Variants in TBC1D22A observed in about 807,000 individuals in gnomAD.
TBC1D22A encodes the protein TBC1 domain family member 22A.
In TBC1D22A, 38 loss-of-function variants were observed where a neutral mutation model predicts 60.2. The observed-to-expected ratio is 0.63, with a 90% CI of 0.49 to 0.83. TBC1D22A has a LOEUF of 0.83. TBC1D22A is among the 40% of genes least tolerant of loss of function. The pLI is 0.00. For missense variants in TBC1D22A, 628 were observed against 701.0 expected (o/e 0.90, Z 1.18); for synonymous variants, 302 against 281.7 (o/e 1.07, Z -0.72).
chr22:46,963,675 G>C (rs774397081), intron 8 of TBC1D22A, among the ~76,000 whole-genome samples: 1 of 152,212 alleles, frequency 6.6e-6, no homozygotes, highest in Non-Finnish European at 1.5e-5. Context: ...ATCCTTCTCC[G>C]GGCCCAGGTG....
rs563557640 is a variant in TBC1D22A at position 47,071,834 on chromosome 22, C to T, written c.1329+34636C>T. Among the ~76,000 whole-genome samples the T allele has an allele frequency of 3.3e-5, 5 of 152,232 alleles. No individual in the cohort carries two copies. In the South Asian group the frequency reaches 1.0e-3, roughly 32 times the overall value. On this transcript the variant is annotated intron_variant, in intron 11 of 12. Transcript: ENST00000337137. Reference sequence around the variant, plus strand: ...TGATGCAGACATCAATCTTGTTATTCTCGGAGTGGAGAGACAGTTTCTGAT... The same window carrying T: ...TGATGCAGACATCAATCTTGTTATTTTCGGAGTGGAGAGACAGTTTCTGAT...
chr22:46,994,138 A>G (rs138078904), intron 9 of TBC1D22A, among the ~76,000 whole-genome samples: 1,574 of 151,948 alleles, frequency 0.01, 22 homozygotes, highest in African/African-American at 0.036. Context: ...AATTGTTTGG[A>G]TTTCTGAGAA....
chr22:46,941,923 G>GTA (rs2072182048), intron 8 of TBC1D22A, among the ~76,000 whole-genome samples: 1 of 87,966 alleles, frequency 1.1e-5, no homozygotes, highest in Non-Finnish European at 2.4e-5. Context: ...ATATGTATAT[G>GTA]TATGTATGTA....
intron 4 of TBC1D22A, among the ~76,000 whole-genome samples, chr22:46,855,378 C>G (rs4823883): frequency 0.43 from 65,416 of 152,054 alleles, 14,231 homozygotes; most frequent in African/African-American, 0.48. Context: ...TTCTGTTTAA[C>G]AAACCTTCCT....
At chr22:46,987,849 GA>G (rs2074786176) in intron 9 of TBC1D22A, among the ~76,000 whole-genome samples, 1 of 152,188 alleles carries the variant, frequency 6.6e-6, no homozygotes, top group Non-Finnish European at 1.5e-5. Context: ...TTTCCTGAAA[GA>G]GTTCCCTGTA....
rs141313362 is a variant in TBC1D22A at position 47,155,111 on chromosome 22, G to A, written c.1426-18387G>A. ...TGTGTTGATCAGAAGTCTCAGCCGT[G>A]TGCCTAGGGATGAAATGGAAGGGCA... is the stretch of plus-strand genomic sequence containing the variant. On this transcript the variant is annotated intron_variant, in intron 12 of 12. Transcript: ENST00000337137. Among the ~76,000 whole-genome samples the A allele has an allele frequency of 1.2e-3, 187 of 152,246 alleles. 1 individual carries two copies. The highest frequency in any genetic ancestry group is 4.2e-3 in the African/African-American group (173 of 41,516).
chr22:46,938,589 C>CT (rs60745746), intron 8 of TBC1D22A, among the ~76,000 whole-genome samples: 14,862 of 140,504 alleles, frequency 0.11, 941 homozygotes, highest in African/African-American at 0.15. Context: ...TTATTTCTCT[C>CT]TTTTTTTTTT....
At chr22:47,099,892 C>T (rs577593364) in intron 11 of TBC1D22A, among the ~76,000 whole-genome samples, 4 of 152,312 alleles carry the variant, frequency 2.6e-5, no homozygotes, top group African/African-American at 9.6e-5. Flanking sequence ...AGAGGTGCAA[C>T]GTGCTGACCT....
At chr22:46,953,434 G>T (rs2073024136) in intron 8 of TBC1D22A, among the ~76,000 whole-genome samples, 1 of 151,828 alleles carries the variant, frequency 6.6e-6, no homozygotes, top group South Asian at 2.1e-4. Context: ...ATCTTTTAAA[G>T]AAATTATTTA....
chr22:46,950,520 T>C (rs755673760), intron 8 of TBC1D22A, among the ~76,000 whole-genome samples: 6 of 152,196 alleles, frequency 3.9e-5, no homozygotes, highest in Non-Finnish European at 5.9e-5. Context: ...TTAGGGCCGA[T>C]GGCTGGATGG....
At chr22:46,809,203 A>G (rs1046413642) in intron 4 of TBC1D22A, among the ~76,000 whole-genome samples, 1 of 152,164 alleles carries the variant, frequency 6.6e-6, no homozygotes, top group Non-Finnish European at 1.5e-5. Flanking sequence ...CGGCTTGCAG[A>G]TGCCACATTT....
chr22:46,894,150 G>T (rs2068549574), intron 6 of TBC1D22A, among the ~76,000 whole-genome samples: 1 of 152,218 alleles, frequency 6.6e-6, no homozygotes, highest in South Asian at 2.1e-4. Context: ...ATGTTCACGT[G>T]GGATGTCGGG....
intron 7 of TBC1D22A, among the ~76,000 whole-genome samples, chr22:46,905,460 G>GTTC (rs1427582938): frequency 6.6e-6 from 1 of 152,224 alleles, no homozygotes; most frequent in Non-Finnish European, 1.5e-5. Flanking sequence ...TAAAGCAGCA[G>GTTC]ATTGATTTGG....
intron 1 of TBC1D22A, among the ~76,000 whole-genome samples, chr22:46,763,114 A>T (rs1156812651): frequency 1.3e-5 from 2 of 151,982 alleles, no homozygotes; most frequent in Admixed American, 6.5e-5. Flanking sequence ...CTTCTTTCCG[A>T]GAAACTCCTG....
chr22:46,918,843 A>G (rs369481275), intron 8 of TBC1D22A, among the ~76,000 whole-genome samples: 125 of 152,272 alleles, frequency 8.2e-4, no homozygotes, highest in East Asian at 4.6e-3. Flanking sequence ...TTTATGATGG[A>G]AAGTTTCAAA....
intron 10 of TBC1D22A, among the ~76,000 whole-genome samples, chr22:46,999,074 C>T (rs983965005): frequency 2.0e-5 from 3 of 152,160 alleles, no homozygotes; most frequent in Non-Finnish European, 2.9e-5. Context: ...CCTCCTTTTC[C>T]GCTTGTGTCC....
intron 11 of TBC1D22A, among the ~76,000 whole-genome samples, chr22:47,103,826 A>G (rs2065512066): frequency 6.6e-6 from 1 of 152,178 alleles, no homozygotes; most frequent in South Asian, 2.1e-4. Context: ...AGGCCCTACA[A>G]ACCATACATA....
Position 47,155,948 on chromosome 22 carries a change from T to G in TBC1D22A, c.1426-17550T>G, listed in dbSNP as rs1014111205. Among the ~76,000 whole-genome samples, 3 of 152,236 alleles carry G rather than the reference T, an allele frequency of 2.0e-5. 1 individual carries two copies. In the South Asian group the frequency reaches 6.2e-4, roughly 32 times the overall value. On this transcript the variant is annotated intron_variant, in intron 12 of 12. Coordinates refer to ENST00000337137, the MANE Select transcript of TBC1D22A (RefSeq NM_014346.5). ...ATGAACTTTTCATAGGCAGTTTTCC[T>G]ACCAGGACCTCTACGGCCCTCCTAC... is the stretch of plus-strand genomic sequence containing the variant.
intron 11 of TBC1D22A, among the ~76,000 whole-genome samples, chr22:47,062,320 G>T (rs1338851736): frequency 6.6e-6 from 1 of 152,076 alleles, no homozygotes; most frequent in Non-Finnish European, 1.5e-5. Flanking sequence ...TGGGAATTTG[G>T]ACACCTGCTT....
Sources: allele counts gnomAD v4.1 joint callset (sites outside exome capture counted in the v4.1 genomes callset), GRCh38; gene constraint gnomAD v4.1.1; transcripts MANE v1.5; gene names NCBI Gene and HGNC (gene_info 2026-07-23, HGNC 2026-07-21).